Variants in ATP10A observed in about 807,000 individuals in gnomAD.
The protein encoded by ATP10A is phospholipid-transporting ATPase VA.
In ATP10A, 111 loss-of-function variants were observed where a neutral mutation model predicts 147.8. The observed-to-expected ratio is 0.75, with a 90% CI of 0.64 to 0.88. The LOEUF (loss-of-function observed/expected upper bound fraction) is 0.88. Among genes scored for constraint, ATP10A ranks in the 40% least tolerant of loss-of-function variants. The pLI, the probability that ATP10A is intolerant of heterozygous loss-of-function variation, is 0.00. For synonymous variants in ATP10A, 875 were observed against 841.6 expected, an observed-to-expected ratio of 1.04 and a Z score of -0.69; for missense variants, 1,927 against 1,959.0, an observed-to-expected ratio of 0.98 and a Z score of 0.31.
At chr15:25,708,700 T>C in intron 10 of ATP10A, 1 of 173,152 alleles carries the variant, frequency 5.8e-6, no homozygotes, top group South Asian at 1.3e-4. Flanking sequence ...TTTGGCATCC[T>C]TTTGCCCAGC....
intron 13 of ATP10A, among the ~76,000 whole-genome samples, chr15:25,698,890 A>G (rs1031634976): frequency 1.3e-5 from 2 of 152,326 alleles, no homozygotes; most frequent in South Asian, 2.1e-4. Context: ...ATCTAACAAA[A>G]CATGTATATG....
chr15:25,739,536 G>A (rs1887472442), intron 2 of ATP10A, among the ~76,000 whole-genome samples: 2 of 152,182 alleles, frequency 1.3e-5, no homozygotes, highest in Admixed American at 6.5e-5. Flanking sequence ...CCTGTAGGAT[G>A]CAGAGATGGT....
chr15:25,760,804 C>A (rs1334151347), intron 2 of ATP10A, among the ~76,000 whole-genome samples: 1 of 152,110 alleles, frequency 6.6e-6, no homozygotes, highest in Non-Finnish European at 1.5e-5. Context: ...TATGATCGTG[C>A]CACTGCACTC....
rs532161089 is a variant in ATP10A at position 25,764,353 on chromosome 15, T to C, written c.654+16666A>G. Among the ~76,000 whole-genome samples, 24 of 152,320 alleles carry C rather than the reference T, an allele frequency of 1.6e-4. No individual in the cohort carries two copies. The East Asian group carries it at 4.2e-3, about 27-fold the overall frequency. ...AATGTATATGTTAAAACTTAGCCCT[T>C]AGAATGTATGTGTTTGAGTCCCCCA... On this transcript the variant is annotated intron_variant, in intron 2 of 20. Transcript: ENST00000555815.
chr15:25,681,113 A>T, intron 17 of ATP10A, 39 bp from the exon 18 acceptor site: 1 of 1,576,700 alleles, frequency 6.3e-7, no homozygotes, highest in Non-Finnish European at 8.7e-7. Flanking sequence ...ACAGTGAAGC[A>T]TTGGCATCCT....
chr15:25,687,958 G>A (rs778752889), intron 15 of ATP10A, 130 bp from the exon 16 acceptor site: 134 of 1,301,512 alleles, frequency 1.0e-4, no homozygotes, highest in Non-Finnish European at 1.4e-4. Context: ...GAGCGTGGCC[G>A]GCCAGGGTCT....
intron 2 of ATP10A, among the ~76,000 whole-genome samples, chr15:25,762,837 C>G (rs1888828695): frequency 6.6e-6 from 1 of 152,200 alleles, no homozygotes; most frequent in Non-Finnish European, 1.5e-5. Flanking sequence ...ACCTCGGCCT[C>G]CCAAAACTTT....
chr15:25,776,812 C>G (rs1889628799), intron 2 of ATP10A, among the ~76,000 whole-genome samples: 1 of 152,140 alleles, frequency 6.6e-6, no homozygotes, highest in Non-Finnish European at 1.5e-5. Flanking sequence ...TAAATACAAC[C>G]CTATTCCGCC....
chr15:25,850,149 A>G (rs1264136993), intron 1 of ATP10A, among the ~76,000 whole-genome samples: 1 of 152,222 alleles, frequency 6.6e-6, no homozygotes, highest in African/African-American at 2.4e-5. Context: ...GAACAATTGT[A>G]GCCCATTATG....
At chr15:25,738,582 G>A (rs971980583) in intron 2 of ATP10A, 2 of 152,168 alleles carry the variant, frequency 1.3e-5, no homozygotes, top group Non-Finnish European at 2.9e-5. Flanking sequence ...GTACTTGGAT[G>A]GGAGACACAA....
At chr15:25,764,272 G>A (rs1029302493) in intron 2 of ATP10A, among the ~76,000 whole-genome samples, 5 of 152,198 alleles carry the variant, frequency 3.3e-5, no homozygotes, top group African/African-American at 4.8e-5. Context: ...CGTGCAGCGC[G>A]GGCTTCCAGG....
chr15:25,789,646 T>G (rs1890323268), intron 1 of ATP10A, among the ~76,000 whole-genome samples: 1 of 151,300 alleles, frequency 6.6e-6, no homozygotes, highest in Admixed American at 6.6e-5. Context: ...CAAACAAGAC[T>G]CTAAAATTAT....
downstream of ATP10A, among the ~76,000 whole-genome samples, chr15:25,675,764 G>A (rs1596665467): frequency 6.6e-6 from 1 of 152,204 alleles, no homozygotes; most frequent in African/African-American, 2.4e-5. Flanking sequence ...TGGCCAACAC[G>A]GCGAAAGCCC....
chr15:25,815,258 C>T (rs541699250), intron 1 of ATP10A, among the ~76,000 whole-genome samples: 1 of 152,330 alleles, frequency 6.6e-6, no homozygotes, highest in East Asian at 1.9e-4. Flanking sequence ...AAAGGGAGAT[C>T]ATCAGTGCTC....
intron 5 of ATP10A, among the ~76,000 whole-genome samples, chr15:25,725,638 CTT>C (rs34133892): frequency 4.1e-5 from 6 of 144,718 alleles, no homozygotes; most frequent in Non-Finnish European, 6.1e-5. Context: ...TTCTTTCTTT[CTT>C]TTTTTTTTTT....
intron 1 of ATP10A, among the ~76,000 whole-genome samples, chr15:25,794,010 A>T (rs1005260127): frequency 1.3e-5 from 2 of 152,294 alleles, no homozygotes; most frequent in African/African-American, 4.8e-5. Flanking sequence ...TATGGGAGGG[A>T]GAGAAGGGTT....
intron 14 of ATP10A, 28 bp from the exon 15 acceptor site, chr15:25,691,819 G>C: frequency 6.2e-7 from 1 of 1,612,900 alleles, no homozygotes; most frequent in Non-Finnish European, 8.5e-7. Context: ...AAGAAGAATT[G>C]TTTGATTCTA....
In ATP10A at chr15:25,687,798, T is replaced by A; in HGVS notation, c.3196A>T (p.Lys1066Ter). 1 of 1,613,924 alleles carries A rather than the reference T, an allele frequency of 6.2e-7. No homozygotes were observed. The highest frequency in any genetic ancestry group is 8.5e-7 in the Non-Finnish European group (1 of 1,179,894). Residue 1066 changes from lysine (K) to a stop codon, truncating the protein, a stop_gained, in exon 16 of 21, where the codon AAA becomes TAA. Transcript: ENST00000555815. LOFTEE classifies it high-confidence loss of function. ...AAGAGCCTCTCCAGGTATCGGAATT[T>A]CGGCACTGCAAAGTCGCTGGCCATC... ...AVMASDFAVP[K>*]FRYLERLLIL...
At chr15:25,748,244 G>T (rs191352099) in intron 2 of ATP10A, among the ~76,000 whole-genome samples, 62 of 152,266 alleles carry the variant, frequency 4.1e-4, no homozygotes, top group African/African-American at 1.3e-3. Context: ...TTACAGGTGT[G>T]AGCGGCCAAA....
Sources: allele counts gnomAD v4.1 joint callset (sites outside exome capture counted in the v4.1 genomes callset), GRCh38; gene constraint gnomAD v4.1.1; transcripts MANE v1.5; gene names NCBI Gene and HGNC (gene_info 2026-07-23, HGNC 2026-07-21).